The following LYPD6 variants were observed in gnomAD, a reference collection of about 807,000 sequenced individuals.
The protein encoded by LYPD6 is LY6/PLAUR domain containing 6, also known as ly6/PLAUR domain-containing protein 6.
LYPD6 carries 15 observed loss-of-function variants against 22.7 expected under a neutral mutation model. That is an observed-to-expected ratio of 0.66 (90% confidence interval 0.44 to 1.02). The LOEUF is 1.02. Ranked by LOEUF, LYPD6 falls within the 50% of genes least tolerant of loss-of-function variation. The pLI, the probability that LYPD6 is intolerant of heterozygous loss-of-function variation, is 0.00. For synonymous variants in LYPD6, 72 were observed against 77.5 expected (o/e 0.93, Z 0.37); for missense variants, 189 against 208.4 (o/e 0.91, Z 0.57).
At chr2:149,409,411 C>T (rs1229613813) in intron 1 of LYPD6, among the ~76,000 whole-genome samples, 1 of 152,096 alleles carries the variant, frequency 6.6e-6, no homozygotes, top group Non-Finnish European at 1.5e-5. Flanking sequence ...CTTTCAAGAG[C>T]GCATCAGCTG....
At chr2:149,399,020 C>T (rs1682489930) in intron 1 of LYPD6, among the ~76,000 whole-genome samples, 2 of 151,952 alleles carry the variant, frequency 1.3e-5, no homozygotes, top group Non-Finnish European at 2.9e-5. Flanking sequence ...TATTCATTGA[C>T]ATTTGCCACT....
chr2:149,435,126 T>C (rs77079470), intron 1 of LYPD6, among the ~76,000 whole-genome samples: 2,010 of 152,316 alleles, frequency 0.013, 51 homozygotes, highest in African/African-American at 0.046. Context: ...ACCAGGACTA[T>C]GCATGTAGGG....
intron 1 of LYPD6, among the ~76,000 whole-genome samples, chr2:149,380,117 C>G (rs929956535): frequency 6.6e-6 from 1 of 152,198 alleles, no homozygotes; most frequent in African/African-American, 2.4e-5. Flanking sequence ...CATGCAGATG[C>G]CCTGAGGCAG....
chr2:149,391,358 A>T (rs1691937568), intron 1 of LYPD6, among the ~76,000 whole-genome samples: 1 of 151,138 alleles, frequency 6.6e-6, no homozygotes. Context: ...TCTTATTCCA[A>T]CTCCCTTTTT....
rs561509333 is a variant in LYPD6, at chr2:149,369,955, C to G, written c.-72+39233C>G. On this transcript the variant is annotated intron_variant, in intron 1 of 4. Transcript: ENST00000334166. ...GGGCATAACTGATGGTTGAGATTCCCGAGAAATCAAGAGGGAACAGAGGTG... is the reference window on the plus strand; with the variant it reads ...GGGCATAACTGATGGTTGAGATTCCGGAGAAATCAAGAGGGAACAGAGGTG... Among the ~76,000 whole-genome samples, 3 of 151,814 alleles carry G rather than the reference C, an allele frequency of 2.0e-5. No homozygotes were observed. The East Asian group carries it at 5.8e-4, about 29-fold the overall frequency.
At chr2:149,381,194 G>A (rs767840383) in intron 1 of LYPD6, among the ~76,000 whole-genome samples, 1 of 152,144 alleles carries the variant, frequency 6.6e-6, no homozygotes, top group Non-Finnish European at 1.5e-5. Context: ...GAGAAGAATA[G>A]TCTGGTACCT....
intron 1 of LYPD6, among the ~76,000 whole-genome samples, chr2:149,414,495 T>A (rs1385518543): frequency 2.6e-5 from 4 of 152,194 alleles, no homozygotes; most frequent in Non-Finnish European, 5.9e-5. Flanking sequence ...CATTGGCCTT[T>A]AGTAGAGAAT....
chr2:149,415,077 T>C (rs1682932699), intron 1 of LYPD6, among the ~76,000 whole-genome samples: 1 of 152,198 alleles, frequency 6.6e-6, no homozygotes, highest in Non-Finnish European at 1.5e-5. Flanking sequence ...GTAGTGGGTG[T>C]TCCTTATAGA....
At chr2:149,452,545 G>T (rs963476694) in intron 3 of LYPD6, among the ~76,000 whole-genome samples, 2 of 152,074 alleles carry the variant, frequency 1.3e-5, no homozygotes, top group African/African-American at 4.8e-5. Context: ...ACATTCCTGG[G>T]TTTTTTTGGT....
At chr2:149,440,963 C>T (rs1304036337) in intron 2 of LYPD6, among the ~76,000 whole-genome samples, 2 of 152,164 alleles carry the variant, frequency 1.3e-5, no homozygotes, top group South Asian at 4.2e-4. Context: ...CCTCGGCCTC[C>T]CAAAGTGTTG....
At chr2:149,365,917 C>A (rs1009839415) in intron 1 of LYPD6, among the ~76,000 whole-genome samples, 1 of 152,266 alleles carries the variant, frequency 6.6e-6, no homozygotes, top group East Asian at 1.9e-4. Context: ...CTAACCCTGG[C>A]TATCAGGGCA....
chr2:149,481,616 A>C, the LYPD6 span, among the ~76,000 whole-genome samples: 1 of 152,244 alleles, frequency 6.6e-6, no homozygotes, highest in Non-Finnish European at 1.5e-5. Context: ...AGTCAGTAAC[A>C]GCACATCCAC....
chr2:149,471,355 T>C lies in LYPD6; in HGVS notation c.*505T>C, dbSNP rs79464735. 1 of 152,346 alleles carries C rather than the reference T, an allele frequency of 6.6e-6. No individual in the cohort carries two copies. The highest frequency in any genetic ancestry group is 1.5e-5 in the Non-Finnish European group (1 of 68,126). 9.4% of individuals were successfully genotyped at this position (152,346 alleles called of 1,614,324 possible). The stretch of plus-strand genomic sequence containing the variant: ...TCCTTGGAAATTCTGACTGAGTCCC[T>C]GGAAGAGTAGTAATTCCAACAATTC... On this transcript the variant is annotated 3_prime_UTR_variant, in exon 5 of 5. Transcript: ENST00000334166.
chr2:149,412,361 CTTT>C (rs199667102), intron 1 of LYPD6, among the ~76,000 whole-genome samples: 1 of 142,660 alleles, frequency 7.0e-6, no homozygotes. Context: ...AATTTTATTT[CTTT>C]TTTTTTTTTG....
chr2:149,422,548 G>C (rs142766456), intron 1 of LYPD6, among the ~76,000 whole-genome samples: 21 of 152,240 alleles, frequency 1.4e-4, no homozygotes, highest in African/African-American at 4.8e-4. Flanking sequence ...ATTGTGAAAT[G>C]ATTAAATCAG....
chr2:149,426,301 A>G (rs1442823607), intron 1 of LYPD6, among the ~76,000 whole-genome samples: 1 of 152,166 alleles, frequency 6.6e-6, no homozygotes, highest in Non-Finnish European at 1.5e-5. Context: ...TTGGACAAAT[A>G]TTTGGTCAGG....
In LYPD6 at chr2:149,405,012, T is replaced by C. The variant is rs371344610; in HGVS notation, c.-71-32626T>C. Among the ~76,000 whole-genome samples, 8 of 152,200 alleles carry C rather than the reference T, an allele frequency of 5.3e-5. No homozygotes were observed. In the East Asian group the frequency reaches 9.6e-4, roughly 18 times the overall value. Reference sequence around the variant, plus strand: ...ATAATCATGTGGTTTTTGTCTTTGGTTCTGTTTATATGCTGGATTACATTT... The same window carrying C: ...ATAATCATGTGGTTTTTGTCTTTGGCTCTGTTTATATGCTGGATTACATTT... On this transcript the variant is annotated intron_variant, in intron 1 of 4. Coordinates refer to ENST00000334166, the MANE Select transcript of LYPD6 (RefSeq NM_194317.5).
intron 1 of LYPD6, among the ~76,000 whole-genome samples, chr2:149,355,525 T>C (rs969772686): frequency 1.1e-4 from 17 of 152,220 alleles, no homozygotes; most frequent in African/African-American, 3.9e-4. Context: ...TGAGATTGCA[T>C]TGAATCAGAG....
At chr2:149,462,924 T>C (rs1210204450) in intron 3 of LYPD6, among the ~76,000 whole-genome samples, 3 of 152,018 alleles carry the variant, frequency 2.0e-5, no homozygotes, top group African/African-American at 7.2e-5. Flanking sequence ...ATGTGAAATG[T>C]AAAAACATAC....
Sources: gnomAD v4.1 joint callset for allele counts (sites outside exome capture counted in the v4.1 genomes callset) on GRCh38, gnomAD v4.1.1 for gene constraint, MANE v1.5 for transcripts, NCBI Gene and HGNC (gene_info 2026-07-23, HGNC 2026-07-21) for gene names.